Variants in BFSP1 observed in about 807,000 individuals in gnomAD.
BFSP1 encodes the protein filensin.
A neutral mutation model predicts 43.9 loss-of-function variants in BFSP1; 38 were observed. The ratio of observed to expected loss-of-function variants is 0.87; its 90% CI spans 0.67 to 1.14. BFSP1 has a LOEUF of 1.14. Ranked by LOEUF, BFSP1 falls within the 50% of genes most tolerant of loss-of-function variation. The pLI, the probability that BFSP1 is intolerant of heterozygous loss-of-function variation, is 0.00. For synonymous variants in BFSP1, 352 were observed against 354.8 expected, an observed-to-expected ratio of 0.99 and a Z score of 0.09; for missense variants, 850 against 875.1, an observed-to-expected ratio of 0.97 and a Z score of 0.36.
intron 5 of BFSP1, among the ~76,000 whole-genome samples, chr20:17,506,121 G>T (rs960786589): frequency 9.9e-5 from 15 of 152,194 alleles, no homozygotes; most frequent in Admixed American, 9.8e-4. Context: ...TCCGAACGTG[G>T]AGGGGCCTGA....
chr20:17,543,631 A>C (rs1308912308), intron 1 of BFSP1, among the ~76,000 whole-genome samples: 1 of 152,234 alleles, frequency 6.6e-6, no homozygotes, highest in Non-Finnish European at 1.5e-5. Context: ...CAAGTTATGC[A>C]ACATTATTAC....
rs200704552 is a variant in BFSP1 at position 17,494,499 on chromosome 20, G to T, written c.1573C>A (p.Gln525Lys). ...ESPKPPLENG[Q>K]VGLQEKEDGQ... is the part of the protein sequence containing the mutation. ...TCTTCTTTCTCCTGCAGACCCACCT[G>T]CCCATTCTCTAAAGGGGGCTTGGGT... is the stretch of plus-strand genomic sequence containing the variant. The change falls in exon 8 of 8, where the codon CAG becomes AAG. Residue 525 changes from glutamine to lysine, a missense_variant. Transcript: ENST00000377873. 3 of 1,614,168 alleles carry T rather than the reference G, an allele frequency of 1.9e-6. No individual in the cohort carries two copies. The highest frequency in any genetic ancestry group is 1.3e-5 in the African/African-American group (1 of 75,026).
chr20:17,552,262 T>C (rs550002826), intron 1 of BFSP1, among the ~76,000 whole-genome samples: 1 of 152,218 alleles, frequency 6.6e-6, no homozygotes, highest in Non-Finnish European at 1.5e-5. Flanking sequence ...TTTGGATTCT[T>C]GAAGAAAGAG....
chr20:17,518,264 C>T (rs1216315746), intron 2 of BFSP1, among the ~76,000 whole-genome samples: 1 of 152,102 alleles, frequency 6.6e-6, no homozygotes, highest in African/African-American at 2.4e-5. Context: ...GTCCAAACTA[C>T]AAGAATATGA....
chr20:17,569,029 T>G (rs1012830148), intron 1 of BFSP1: 37 of 152,130 alleles, frequency 2.4e-4, no homozygotes, highest in African/African-American at 8.5e-4. Flanking sequence ...AATTCCAAAT[T>G]AAAAACCCGG....
chr20:17,508,346 G>A (rs773979667), intron 5 of BFSP1, among the ~76,000 whole-genome samples: 1 of 152,192 alleles, frequency 6.6e-6, no homozygotes, highest in Non-Finnish European at 1.5e-5. Context: ...CCCAAAAGGG[G>A]TGGGGGTAGA....
At chr20:17,529,158 C>T (rs934999410) in intron 1 of BFSP1, among the ~76,000 whole-genome samples, 10 of 151,516 alleles carry the variant, frequency 6.6e-5, no homozygotes, top group Admixed American at 2.6e-4. Context: ...CTGCAGCCTC[C>T]GCCTCCCAGA....
intron 1 of BFSP1, among the ~76,000 whole-genome samples, chr20:17,564,562 T>C (rs899204212): frequency 6.6e-6 from 1 of 152,060 alleles, no homozygotes; most frequent in African/African-American, 2.4e-5. Flanking sequence ...AACTACCACT[T>C]CTTTGATTCA....
At chr20:17,521,097 C>T (rs1385980793) in intron 2 of BFSP1, among the ~76,000 whole-genome samples, 2 of 152,104 alleles carry the variant, frequency 1.3e-5, no homozygotes, top group African/African-American at 2.4e-5. Flanking sequence ...AGACCAGTAA[C>T]TTCATACGTA....
At chr20:17,538,667 A>G (rs907090707) in intron 1 of BFSP1, among the ~76,000 whole-genome samples, 3 of 152,188 alleles carry the variant, frequency 2.0e-5, no homozygotes, top group Admixed American at 6.5e-5. Flanking sequence ...TCCTTGAGAC[A>G]TTGTCGTACC....
upstream of BFSP1, chr20:17,560,869 GC>G (rs1384660435): frequency 6.6e-6 from 1 of 152,178 alleles, no homozygotes; most frequent in African/African-American, 2.4e-5. Context: ...TCTGTGACAT[GC>G]TTTTTCCTCC....
intron 5 of BFSP1, 107 bp downstream of exon 5, chr20:17,508,782 A>G (rs1008829119): frequency 7.6e-6 from 8 of 1,058,912 alleles, no homozygotes; most frequent in Non-Finnish European, 7.9e-6. Flanking sequence ...AACATAGGAT[A>G]TGTTCAGCGT....
chr20:17,499,582 T>C (rs13044625), intron 5 of BFSP1, among the ~76,000 whole-genome samples: 31,312 of 151,756 alleles, frequency 0.21, 3,691 homozygotes, highest in Middle Eastern at 0.29. Context: ...CTGCAATTAG[T>C]CCATAAGGAG....
chr20:17,531,077 C>A lies in BFSP1; in HGVS notation c.253G>T (p.Glu85Ter). 7.3e-7 allele frequency: 1 copy of A among 1,375,766 alleles called. No individual in the cohort carries two copies. Among genetic ancestry groups the A allele is most frequent in the Non-Finnish European group, 9.4e-7 (1 of 1,066,254 alleles). The allele number at this position is 1,375,766 out of a possible 1,614,324, so 85.2% of individuals were successfully genotyped here. A position where few individuals can be genotyped will look rare whatever the true frequency, so the allele number is the denominator to read the frequency against. ...TCGACTTGGCGGGCGAGGGCGTCCT[C>A]GGGCCCGGCCAGCTCGCCCAGGCGC... ...FQRLGELAGPEDALARQVESN... is the reference protein window; with the variant it reads ...FQRLGELAGP Residue 85 changes from glutamate to a stop codon, truncating the protein, a stop_gained, in exon 1 of 8, where the codon GAG becomes TAG. Coordinates refer to ENST00000377873, the MANE Select transcript of BFSP1 (RefSeq NM_001195.5). LOFTEE classifies it high-confidence loss of function.
intron 1 of BFSP1, among the ~76,000 whole-genome samples, chr20:17,536,644 T>A (rs1375290349): frequency 6.6e-6 from 1 of 152,246 alleles, no homozygotes; most frequent in Non-Finnish European, 1.5e-5. Flanking sequence ...TAGGCTTAGA[T>A]GTTTTGCCTT....
At chr20:17,550,971 G>T (rs1004486378) in intron 1 of BFSP1, among the ~76,000 whole-genome samples, 3 of 152,160 alleles carry the variant, frequency 2.0e-5, no homozygotes, top group African/African-American at 7.2e-5. Context: ...GTGCCACTCT[G>T]GCTCTCCTAT....
chr20:17,523,633 CTG>C (rs1291859106), intron 2 of BFSP1, among the ~76,000 whole-genome samples: 2 of 149,888 alleles, frequency 1.3e-5, no homozygotes, highest in African/African-American at 4.9e-5. Flanking sequence ...ACTGCCATCT[CTG>C]TGTTTCTATC....
chr20:17,524,931 A>G (rs374871990), intron 1 of BFSP1, 23 bp from the exon 2 acceptor site: 3 of 1,597,928 alleles, frequency 1.9e-6, no homozygotes, highest in Non-Finnish European at 2.6e-6. Flanking sequence ...CACATAAGTG[A>G]GAGTTGGGTA....
intron 2 of BFSP1, among the ~76,000 whole-genome samples, chr20:17,517,746 G>A (rs2034233077): frequency 6.6e-6 from 1 of 152,176 alleles, no homozygotes; most frequent in Admixed American, 6.5e-5. Context: ...CTTGTTTTCA[G>A]ATGAGGTCTT....
Sources: allele counts gnomAD v4.1 joint callset (sites outside exome capture counted in the v4.1 genomes callset), GRCh38; gene constraint gnomAD v4.1.1; transcripts MANE v1.5; gene names NCBI Gene and HGNC (gene_info 2026-07-23, HGNC 2026-07-21).